RIMS1: variants seen among roughly 807,000 people sequenced by gnomAD.
RIMS1 encodes the protein regulating synaptic membrane exocytosis protein 1.
In RIMS1, 83 loss-of-function variants were observed where a neutral mutation model predicts 214.1. The ratio of observed to expected loss-of-function variants is 0.39; its 90% CI spans 0.32 to 0.47. RIMS1 has a LOEUF of 0.47. Ranked by LOEUF, RIMS1 falls within the 20% of genes least tolerant of loss-of-function variation. The pLI is 0.99. For synonymous variants in RIMS1, 793 were observed against 786.8 expected (o/e 1.01, Z -0.13); for missense variants, 2,050 against 2,161.8 (o/e 0.95, Z 1.03).
chr6:72,057,742 C>T (rs1460455826), intron 2 of RIMS1, among the ~76,000 whole-genome samples: 1 of 152,114 alleles, frequency 6.6e-6, no homozygotes, highest in Non-Finnish European at 1.5e-5. Flanking sequence ...CTCCTGACTT[C>T]GTGATCTGCC....
At chr6:72,384,395 T>C (rs1329320441) in intron 29 of RIMS1, among the ~76,000 whole-genome samples, 1 of 152,192 alleles carries the variant, frequency 6.6e-6, no homozygotes, top group Non-Finnish European at 1.5e-5. Flanking sequence ...CTTCACTGAA[T>C]CTACTCCTCT....
At chr6:71,966,188 C>G (rs1051594491) in intron 1 of RIMS1, among the ~76,000 whole-genome samples, 4 of 152,142 alleles carry the variant, frequency 2.6e-5, no homozygotes, top group Non-Finnish European at 4.4e-5. Flanking sequence ...TAGTTTCCTC[C>G]CTTCAAAATG....
intron 1 of RIMS1, among the ~76,000 whole-genome samples, chr6:71,954,858 A>T: frequency 7.1e-6 from 1 of 141,010 alleles, no homozygotes; most frequent in Non-Finnish European, 1.5e-5. Flanking sequence ...ACACACACAC[A>T]CACACACACA....
chr6:72,011,355 G>A (rs899899770), intron 2 of RIMS1, among the ~76,000 whole-genome samples: 4 of 151,964 alleles, frequency 2.6e-5, no homozygotes, highest in Non-Finnish European at 4.4e-5. Context: ...CTTAAATGTT[G>A]GACCTAAAAC....
chr6:72,294,877 G>A (rs1005062462), intron 26 of RIMS1, among the ~76,000 whole-genome samples: 23 of 151,716 alleles, frequency 1.5e-4, no homozygotes, highest in African/African-American at 5.3e-4. Flanking sequence ...AGATTTTTGC[G>A]GTAGAGTACT....
rs1199507925 is a variant in RIMS1 at position 72,401,323 on chromosome 6, T to A, written c.*609T>A. On this transcript the variant is annotated 3_prime_UTR_variant, in exon 34 of 34. Coordinates refer to ENST00000521978, the MANE Select transcript of RIMS1 (RefSeq NM_014989.7). ...AAAAAAAGGGCTGAAGTAGTCTCTG[T>A]AGCATCTCCCCAAAGTGTTAAACAG... 1 of 152,806 alleles carries A rather than the reference T, an allele frequency of 6.5e-6. No individual in the cohort carries two copies. Among genetic ancestry groups the A allele is most frequent in the Non-Finnish European group, 1.5e-5 (1 of 68,182 alleles). The allele number at this position is 152,806 out of a possible 1,614,324, so 9.5% of individuals were successfully genotyped here. A position where few individuals can be genotyped will look rare whatever the true frequency, so the allele number is the denominator to read the frequency against.
chr6:72,113,370 G>A (rs1042063509), intron 4 of RIMS1, among the ~76,000 whole-genome samples: 1 of 152,048 alleles, frequency 6.6e-6, no homozygotes, highest in African/African-American at 2.4e-5. Flanking sequence ...TTGTGGCATG[G>A]AATATGTCTA....
intron 4 of RIMS1, among the ~76,000 whole-genome samples, chr6:72,140,184 A>AT (rs2041909229): frequency 6.6e-6 from 1 of 152,048 alleles, no homozygotes; most frequent in Non-Finnish European, 1.5e-5. Flanking sequence ...GACCTTTTTT[A>AT]TTTAAAAAAA....
chr6:72,290,932 G>A, intron 25 of RIMS1, 71 bp downstream of exon 25: 3 of 1,415,210 alleles, frequency 2.1e-6, no homozygotes, highest in Admixed American at 2.0e-5. Flanking sequence ...GTACCTTCCT[G>A]AGCACTTGAA....
At chr6:72,194,282 A>T (rs955999031) in intron 6 of RIMS1, among the ~76,000 whole-genome samples, 1 of 150,886 alleles carries the variant, frequency 6.6e-6, no homozygotes, top group African/African-American at 2.4e-5. Flanking sequence ...GTGGGGGAAG[A>T]TTATCCTCAT....
At chr6:72,059,096 A>G (rs1368335270) in intron 2 of RIMS1, among the ~76,000 whole-genome samples, 1 of 152,318 alleles carries the variant, frequency 6.6e-6, no homozygotes, top group East Asian at 1.9e-4. Context: ...TAAATTCATG[A>G]TTATCACTGG....
chr6:72,282,058 A>G (rs2090374451), intron 23 of RIMS1, among the ~76,000 whole-genome samples: 1 of 151,972 alleles, frequency 6.6e-6, no homozygotes, highest in African/African-American at 2.4e-5. Context: ...ATGAGTGGAA[A>G]TTTTAATGAC....
intron 4 of RIMS1, among the ~76,000 whole-genome samples, chr6:72,127,752 A>G (rs1237270238): frequency 2.6e-5 from 4 of 152,350 alleles, no homozygotes; most frequent in South Asian, 4.1e-4. Flanking sequence ...AATCTTCTCC[A>G]TGAAGGTAGT....
At chr6:72,120,581 AT>A (rs1233001836) in intron 4 of RIMS1, among the ~76,000 whole-genome samples, 2 of 151,826 alleles carry the variant, frequency 1.3e-5, no homozygotes, top group East Asian at 3.9e-4. Context: ...GATTGCAAAA[AT>A]TTTCTCCCAT....
chr6:72,132,017 C>T (rs944331410), intron 4 of RIMS1, among the ~76,000 whole-genome samples: 1 of 152,186 alleles, frequency 6.6e-6, no homozygotes, highest in Non-Finnish European at 1.5e-5. Flanking sequence ...CTCTTGTTCC[C>T]TAAACATTGT....
chr6:72,042,630 A>G (rs1476533469), intron 2 of RIMS1, among the ~76,000 whole-genome samples: 2 of 151,910 alleles, frequency 1.3e-5, no homozygotes, highest in East Asian at 3.9e-4. Context: ...GTGCTGTATA[A>G]CACTTGTACT....
intron 5 of RIMS1, among the ~76,000 whole-genome samples, chr6:72,180,709 T>C (rs766872425): frequency 2.6e-5 from 4 of 152,234 alleles, no homozygotes; most frequent in Non-Finnish European, 5.9e-5. Context: ...AGGCTCATGA[T>C]TTTGGGGCCA....
intron 4 of RIMS1, among the ~76,000 whole-genome samples, chr6:72,146,504 C>T (rs2042773103): frequency 1.3e-5 from 2 of 152,212 alleles, no homozygotes; most frequent in African/African-American, 4.8e-5. Context: ...TTTTATAAAC[C>T]TTTACAAATT....
At chr6:72,019,049 A>G (rs1813705570) in intron 2 of RIMS1, among the ~76,000 whole-genome samples, 1 of 152,174 alleles carries the variant, frequency 6.6e-6, no homozygotes, top group South Asian at 2.1e-4. Flanking sequence ...GTGTTGATGT[A>G]TCATGGAGTT....
Sources: gnomAD v4.1 joint callset for allele counts (sites outside exome capture counted in the v4.1 genomes callset) on GRCh38, gnomAD v4.1.1 for gene constraint, MANE v1.5 for transcripts, NCBI Gene and HGNC (gene_info 2026-07-23, HGNC 2026-07-21) for gene names.